SNRK: variants seen among roughly 807,000 people sequenced by gnomAD.
SNRK encodes SNF related kinase, also known as SNF-related serine/threonine-protein kinase.
A neutral mutation model predicts 48.2 loss-of-function variants in SNRK; 3 were observed. That is an observed-to-expected ratio of 0.06 (90% confidence interval 0.03 to 0.16). The LOEUF (loss-of-function observed/expected upper bound fraction) is 0.16, where lower values mean the gene tolerates loss of function less well. Ranked by LOEUF, SNRK falls within the 10% of genes least tolerant of loss-of-function variation. SNRK has a pLI of 1.00. For missense variants in SNRK, 627 were observed against 976.0 expected, an observed-to-expected ratio of 0.64 and a Z score of 4.76; for synonymous variants, 376 against 366.1, an observed-to-expected ratio of 1.03 and a Z score of -0.31.
At chr3:43,293,488 G>A (rs1307625630) in intron 1 of SNRK, among the ~76,000 whole-genome samples, 1 of 152,104 alleles carries the variant, frequency 6.6e-6, no homozygotes, top group African/African-American at 2.4e-5. Context: ...TATGAAAGCA[G>A]CACATATGCA....
At chr3:43,331,050 A>G (rs2091142535) in intron 3 of SNRK, among the ~76,000 whole-genome samples, 1 of 152,240 alleles carries the variant, frequency 6.6e-6, no homozygotes, top group African/African-American at 2.4e-5. Flanking sequence ...CATGGAACCT[A>G]CATTATTTTG....
intron 3 of SNRK, 61 bp from the exon 4 acceptor site, chr3:43,332,108 C>G: frequency 8.0e-7 from 1 of 1,256,190 alleles, no homozygotes; most frequent in Non-Finnish European, 1.1e-6. Context: ...TGTTAGCGCA[C>G]TTTTAATGTT....
chr3:43,312,382 T>C (rs1178443117), intron 3 of SNRK, among the ~76,000 whole-genome samples: 1 of 152,218 alleles, frequency 6.6e-6, no homozygotes, highest in Non-Finnish European at 1.5e-5. Flanking sequence ...CTCACACATA[T>C]TGGTGTGTAA....
Position 43,348,589 on chromosome 3 carries a change from C to G in SNRK, c.*32C>G. ...CCCCATCTGGCCGCTAGCACGCTTC[C>G]TGCTCAGAGCAGTGAAGACCGGCTC... On this transcript the variant is annotated 3_prime_UTR_variant, in exon 7 of 7. Coordinates refer to ENST00000296088, the MANE Select transcript of SNRK (RefSeq NM_017719.5). 1 of 1,502,578 alleles carries G rather than the reference C, an allele frequency of 6.7e-7. No individual in the cohort carries two copies. The highest frequency in any genetic ancestry group is 2.3e-5 in the East Asian group (1 of 43,002). 93.1% of individuals were successfully genotyped at this position (1,502,578 alleles called of 1,614,324 possible).
At chr3:43,346,309 T>C (rs1366704018) in intron 6 of SNRK, among the ~76,000 whole-genome samples, 2 of 152,202 alleles carry the variant, frequency 1.3e-5, no homozygotes, top group South Asian at 2.1e-4. Context: ...CTAGTAGATA[T>C]TCCACATACA....
chr3:43,324,879 A>G (rs188509318), intron 3 of SNRK, among the ~76,000 whole-genome samples: 6 of 152,346 alleles, frequency 3.9e-5, no homozygotes, highest in Admixed American at 3.9e-4. Context: ...TTTAAAGTTC[A>G]TTTCTCTTTA....
At chr3:43,327,956 G>GA (rs2091108077) in intron 3 of SNRK, among the ~76,000 whole-genome samples, 1 of 14,102 alleles carries the variant, frequency 7.1e-5, no homozygotes, top group South Asian at 0.011. Context: ...CCATGAGTTG[G>GA]GTTTTTTTTT....
intron 3 of SNRK, among the ~76,000 whole-genome samples, chr3:43,326,876 C>A (rs932794490): frequency 3.3e-5 from 5 of 152,132 alleles, no homozygotes; most frequent in African/African-American, 1.2e-4. Context: ...TGATGGCATT[C>A]GTTCTTTCTA....
At chr3:43,316,718 CT>C (rs1559464029) in intron 3 of SNRK, among the ~76,000 whole-genome samples, 1 of 151,492 alleles carries the variant, frequency 6.6e-6, no homozygotes, top group Non-Finnish European at 1.5e-5. Context: ...GAAATTTTTT[CT>C]GATGTGTGTC....
intron 3 of SNRK, among the ~76,000 whole-genome samples, chr3:43,324,157 G>A (rs930278818): frequency 6.6e-6 from 1 of 152,204 alleles, no homozygotes; most frequent in Non-Finnish European, 1.5e-5. Context: ...TAGGCTAATA[G>A]TAAGGATTAT....
At chr3:43,296,482 C>T (rs924458035) in intron 1 of SNRK, among the ~76,000 whole-genome samples, 8 of 139,688 alleles carry the variant, frequency 5.7e-5, no homozygotes, top group South Asian at 4.5e-4. Context: ...GAATATTGGT[C>T]GTCTGATTTT....
intron 3 of SNRK, among the ~76,000 whole-genome samples, chr3:43,305,938 A>G (rs910636831): frequency 4.6e-5 from 7 of 152,200 alleles, no homozygotes; most frequent in African/African-American, 1.7e-4. Context: ...TTTCAGCTGT[A>G]TTGGTGATGT....
intron 6 of SNRK, among the ~76,000 whole-genome samples, chr3:43,344,982 G>T (rs1482904221): frequency 1.3e-5 from 2 of 152,200 alleles, no homozygotes; most frequent in African/African-American, 2.4e-5. Context: ...TAGCTATAAA[G>T]AAATAGTAGG....
chr3:43,295,907 T>G (rs1334021287), intron 1 of SNRK, among the ~76,000 whole-genome samples: 1 of 152,002 alleles, frequency 6.6e-6, no homozygotes, highest in Non-Finnish European at 1.5e-5. Context: ...CCCAGCTAAT[T>G]TTTGTATTTT....
intron 1 of SNRK, among the ~76,000 whole-genome samples, chr3:43,298,830 T>C (rs1191370175): frequency 2.2e-4 from 33 of 152,204 alleles, no homozygotes; most frequent in Admixed American, 2.2e-3. Context: ...GTGGTGATAG[T>C]TTCTTTGTTA....
intron 6 of SNRK, among the ~76,000 whole-genome samples, chr3:43,344,492 T>G (rs1164002528): frequency 6.6e-6 from 1 of 152,204 alleles, no homozygotes; most frequent in Admixed American, 6.5e-5. Context: ...GAAAGCCATT[T>G]CGATTTTAAG....
chr3:43,323,588 G>A (rs980619140), intron 3 of SNRK, among the ~76,000 whole-genome samples: 1 of 152,078 alleles, frequency 6.6e-6, no homozygotes, highest in African/African-American at 2.4e-5. Context: ...ACCCAGCAAT[G>A]GCCCAGCAAA....
intron 1 of SNRK, among the ~76,000 whole-genome samples, chr3:43,291,344 G>A (rs572917426): frequency 9.2e-5 from 14 of 152,122 alleles, no homozygotes; most frequent in Admixed American, 4.6e-4. Flanking sequence ...ACCTCTTTTT[G>A]CGTATCTGTT....
At chr3:43,319,621 A>G (rs2091039212) in intron 3 of SNRK, among the ~76,000 whole-genome samples, 1 of 152,172 alleles carries the variant, frequency 6.6e-6, no homozygotes, top group African/African-American at 2.4e-5. Context: ...CCCTTGCTCA[A>G]TAGTAAGGTC....
Sources: gnomAD v4.1 joint callset for allele counts (sites outside exome capture counted in the v4.1 genomes callset) on GRCh38, gnomAD v4.1.1 for gene constraint, MANE v1.5 for transcripts, NCBI Gene and HGNC (gene_info 2026-07-23, HGNC 2026-07-21) for gene names.